MORF4L1: variants seen among roughly 807,000 people sequenced by gnomAD.
The protein encoded by MORF4L1 is mortality factor 4-like protein 1.
MORF4L1 carries 4 observed loss-of-function variants against 52.9 expected under a neutral mutation model. The ratio of observed to expected loss-of-function variants is 0.08; its 90% CI spans 0.04 to 0.17. MORF4L1 has a LOEUF of 0.17. Ranked by LOEUF, MORF4L1 falls within the 10% of genes least tolerant of loss-of-function variation. MORF4L1 has a pLI of 1.00. For synonymous variants in MORF4L1, 123 were observed against 134.8 expected (o/e 0.91, Z 0.61); for missense variants, 214 against 390.4 (o/e 0.55, Z 3.81).
At chr15:78,880,882 T>TTC (rs2056589916) in intron 3 of MORF4L1, among the ~76,000 whole-genome samples, 1 of 149,514 alleles carries the variant, frequency 6.7e-6, no homozygotes, top group Non-Finnish European at 1.5e-5. Flanking sequence ...TTTTTTTTTT[T>TTC]CCTGGTTTTG....
At chr15:78,882,686 A>G (rs2056623776) in intron 3 of MORF4L1, among the ~76,000 whole-genome samples, 1 of 152,210 alleles carries the variant, frequency 6.6e-6, no homozygotes, top group Non-Finnish European at 1.5e-5. Context: ...AATTTTATGC[A>G]TACTATGAGT....
At chr15:78,874,524 AGTTTT>A (rs2056441534) in intron 1 of MORF4L1, among the ~76,000 whole-genome samples, 1 of 150,784 alleles carries the variant, frequency 6.6e-6, no homozygotes, top group Non-Finnish European at 1.5e-5. Flanking sequence ...CGTCCGGCTA[AGTTTT>A]GTTTTGTTCT....
At position 78,897,172 on chromosome 15, in the gene MORF4L1, T is replaced by C; in HGVS notation, c.*105T>C. 2 of 822,026 alleles carry C rather than the reference T, an allele frequency of 2.4e-6. No homozygotes were observed. Among genetic ancestry groups the C allele is most frequent in the Non-Finnish European group, 3.9e-6 (2 of 516,900 alleles). The allele number at this position is 822,026 out of a possible 1,614,324, so 50.9% of individuals were successfully genotyped here. On this transcript the variant is annotated 3_prime_UTR_variant, in exon 12 of 12. Coordinates refer to ENST00000426013, the MANE Select transcript of MORF4L1 (RefSeq NM_006791.4). ...CTTTGAAGATGTTAGTGTATAACAA[T>C]TGATGTTTGTTTTCTGTTTGATTTT...
chr15:78,883,212 A>G (rs1399465224), intron 3 of MORF4L1, among the ~76,000 whole-genome samples: 12 of 4,924 alleles, frequency 2.4e-3, no homozygotes, highest in Admixed American at 0.014. Flanking sequence ...GAGACTCAGG[A>G]AAAAAAAAAA....
At chr15:78,877,997 G>A (rs1402939401) in intron 1 of MORF4L1, 2 of 451,596 alleles carry the variant, frequency 4.4e-6, no homozygotes, top group Non-Finnish European at 7.8e-6. Flanking sequence ...AGATTGACCT[G>A]CTAATGAATT....
At chr15:78,892,099 A>C in intron 7 of MORF4L1, 113 bp from the exon 8 acceptor site, 1 of 636,530 alleles carries the variant, frequency 1.6e-6, no homozygotes, top group Non-Finnish European at 2.8e-6. Flanking sequence ...GTACAGCTGT[A>C]TGCTTGGCTA....
At chr15:78,884,816 A>G (rs533728703) in intron 3 of MORF4L1, 4 of 468,992 alleles carry the variant, frequency 8.5e-6, no homozygotes, top group South Asian at 1.2e-4. Context: ...CAAAAACATA[A>G]TAGATGATGG....
intron 1 of MORF4L1, among the ~76,000 whole-genome samples, chr15:78,875,579 A>G (rs1596237411): frequency 6.8e-6 from 1 of 146,550 alleles, no homozygotes; most frequent in South Asian, 2.1e-4. Flanking sequence ...GCGGTTCGAG[A>G]CCAGCCTGGT....
intron 3 of MORF4L1, among the ~76,000 whole-genome samples, chr15:78,882,024 G>A (rs1052223283): frequency 6.6e-6 from 1 of 152,104 alleles, no homozygotes; most frequent in South Asian, 2.1e-4. Flanking sequence ...TTGTTTTCAC[G>A]TATCAGATGT....
rs779246679 is a variant in MORF4L1 at position 78,894,854 on chromosome 15, G to T, written c.837G>T (p.Leu279=). The change falls in exon 11 of 12, where the codon CTG becomes CTT. Residue 279 remains leucine (L), a synonymous_variant. Transcript: ENST00000426013. ...GAGCAATGTTGGCTTATACACCTCT[G>T]GATGAGAAGAGCCTTGCTTTATTAC... ...RIGAMLAYTP[L]DEKSLALLLN... 3 of 1,613,676 alleles carry T rather than the reference G, an allele frequency of 1.9e-6. No individual in the cohort carries two copies. Among genetic ancestry groups the T allele is most frequent in the Non-Finnish European group, 2.5e-6 (3 of 1,179,658 alleles).
At chr15:78,881,802 C>G (rs1051763373) in intron 3 of MORF4L1, among the ~76,000 whole-genome samples, 1 of 152,124 alleles carries the variant, frequency 6.6e-6, no homozygotes, top group African/African-American at 2.4e-5. Flanking sequence ...TGGAATTGTC[C>G]TCTAGTAACT....
intron 3 of MORF4L1, among the ~76,000 whole-genome samples, chr15:78,882,258 G>T (rs1251394597): frequency 6.6e-6 from 1 of 152,012 alleles, no homozygotes; most frequent in Non-Finnish European, 1.5e-5. Flanking sequence ...TGGGGCTGCA[G>T]TGAGCTATGA....
intron 4 of MORF4L1, 85 bp from the exon 5 acceptor site, chr15:78,887,184 T>C: frequency 8.5e-7 from 1 of 1,170,718 alleles, no homozygotes; most frequent in Non-Finnish European, 1.2e-6. Context: ...AATTTGAATG[T>C]AAATTCCTAA....
At chr15:78,886,438 G>T (rs2056704648) in intron 4 of MORF4L1, 2 of 557,608 alleles carry the variant, frequency 3.6e-6, no homozygotes, top group Admixed American at 6.1e-5. Flanking sequence ...GCTTATCTTA[G>T]ACCTAGGTAG....
chr15:78,877,223 C>T (rs1326042784), intron 1 of MORF4L1, among the ~76,000 whole-genome samples: 2 of 148,386 alleles, frequency 1.3e-5, no homozygotes, highest in Non-Finnish European at 3.0e-5. Flanking sequence ...CGGGTTCAAG[C>T]GATTCTCGTG....
intron 1 of MORF4L1, chr15:78,873,799 C>T (rs964264301): frequency 2.6e-5 from 4 of 152,372 alleles, no homozygotes; most frequent in African/African-American, 9.7e-5. Flanking sequence ...GGAGGCATCA[C>T]TCTGCTATTC....
intron 1 of MORF4L1, among the ~76,000 whole-genome samples, chr15:78,875,364 A>G (rs1596237221): frequency 6.6e-6 from 1 of 152,240 alleles, no homozygotes; most frequent in Admixed American, 6.5e-5. Flanking sequence ...GAACCAAGGT[A>G]TCCCCAGGTA....
At chr15:78,885,126 G>T in intron 3 of MORF4L1, 1 of 1,439,694 alleles carries the variant, frequency 6.9e-7, no homozygotes, top group Non-Finnish European at 9.7e-7. Flanking sequence ...ATCATGTTCA[G>T]GATTGCTTTT....
At chr15:78,879,480 A>G (rs1596240789) in intron 2 of MORF4L1, among the ~76,000 whole-genome samples, 3 of 150,650 alleles carry the variant, frequency 2.0e-5, no homozygotes. Context: ...TCGGCCTCCC[A>G]AAGTGTTGGG....
Sources: gnomAD v4.1 joint callset for allele counts (sites outside exome capture counted in the v4.1 genomes callset) on GRCh38, gnomAD v4.1.1 for gene constraint, MANE v1.5 for transcripts, NCBI Gene and HGNC (gene_info 2026-07-23, HGNC 2026-07-21) for gene names.